The following SMARCE1 variants were observed in gnomAD, a reference collection of about 807,000 sequenced individuals.
The protein encoded by SMARCE1 is SWI/SNF-related matrix-associated actin-dependent regulator of chromatin subfamily E member 1.
A neutral mutation model predicts 54.9 loss-of-function variants in SMARCE1; 13 were observed. The ratio of observed to expected loss-of-function variants is 0.24; its 90% confidence interval spans 0.15 to 0.38. The LOEUF (loss-of-function observed/expected upper bound fraction) is 0.38, where lower values mean the gene tolerates loss of function less well. SMARCE1 is among the 10% of genes least tolerant of loss of function. The pLI, the probability that SMARCE1 is intolerant of heterozygous loss-of-function variation, is 1.00. For missense variants in SMARCE1, 295 were observed against 523.8 expected, an observed-to-expected ratio of 0.56 and a Z score of 4.26; for synonymous variants, 151 against 175.3, an observed-to-expected ratio of 0.86 and a Z score of 1.10.
At chr17:40,637,271 C>A (rs998377818) in intron 5 of SMARCE1, 5 of 552,786 alleles carry the variant, frequency 9.0e-6, no homozygotes, top group African/African-American at 7.6e-5. Flanking sequence ...ATAGAACATT[C>A]TATCTTAAGG....
rs769677960 is a variant in SMARCE1, at chr17:40,642,451, C to A, written c.156+4G>T. Reference sequence around the variant, plus strand: ...CCGGATGCTGTAATAGTTGATTCTCCTACCGTGACCCGGCTGTTGGTGCCC... The same window carrying A: ...CCGGATGCTGTAATAGTTGATTCTCATACCGTGACCCGGCTGTTGGTGCCC... On this transcript the variant is annotated splice_donor_region_variant and intron_variant, in intron 4 of 10. Transcript: ENST00000348513. The surrounding 1 kb of genome is among the most constrained non-coding windows in gnomAD (Gnocchi z 4.6). The A allele has an allele frequency of 6.4e-7, 1 of 1,551,724 alleles. No homozygotes were observed. Among genetic ancestry groups the A allele is most frequent in the Non-Finnish European group, 8.9e-7 (1 of 1,123,208 alleles).
intron 10 of SMARCE1, chr17:40,629,537 A>T: frequency 8.2e-7 from 1 of 1,226,124 alleles, no homozygotes; most frequent in Non-Finnish European, 1.0e-6. Flanking sequence ...GGTCTTTTAG[A>T]CACTTTGTTT....
chr17:40,628,681 T>C lies in SMARCE1; in HGVS notation c.*104A>G, dbSNP rs539514874. On this transcript the variant is annotated 3_prime_UTR_variant, in exon 11 of 11. Transcript: ENST00000348513. ...TCCAAAAGCCTTTGGTGGTGTGATA[T>C]GGACAAGAAAAAAAATTAATACACA... is the stretch of plus-strand genomic sequence containing the variant. The C allele has an allele frequency of 3.4e-6, 3 of 880,580 alleles. No homozygotes were observed. Among genetic ancestry groups the C allele is most frequent in the South Asian group, 1.6e-5 (1 of 63,924 alleles). The allele number at this position is 880,580 out of a possible 1,614,324, so 54.5% of individuals were successfully genotyped here.
chr17:40,635,395 T>C (rs2037136676), intron 7 of SMARCE1: 1 of 152,050 alleles, frequency 6.6e-6, no homozygotes, highest in Non-Finnish European at 1.5e-5. Flanking sequence ...GAATGGCAAT[T>C]AGGAAGCTCT....
chr17:40,636,351 T>C (rs1257700752), intron 6 of SMARCE1, 44 bp downstream of exon 6: 7 of 1,573,540 alleles, frequency 4.4e-6, no homozygotes, highest in Non-Finnish European at 6.1e-6. Flanking sequence ...CAATGTTTTA[T>C]GTACTTTACA....
rs932797321 is a variant in SMARCE1, at chr17:40,629,234, G to A, written c.1028-241C>T. ...AAATAAATGCAGATCAAATACTTCC[G>A]ATGAAAATTTAGCTTCTGAATTGAG... On this transcript the variant is annotated intron_variant, in intron 10 of 10. Coordinates refer to ENST00000348513, the MANE Select transcript of SMARCE1 (RefSeq NM_003079.5). 1.5e-5 allele frequency: 8 copies of A among 517,104 alleles called. No homozygotes were observed. The East Asian group carries it at 1.8e-4, about 11-fold the overall frequency. 32.0% of individuals were successfully genotyped at this position (517,104 alleles called of 1,614,324 possible).
chr17:40,639,808 A>G (rs1291684208), intron 4 of SMARCE1, among the ~76,000 whole-genome samples: 1 of 152,180 alleles, frequency 6.6e-6, no homozygotes, highest in Non-Finnish European at 1.5e-5. Flanking sequence ...CATACTTTAG[A>G]CCCTTTCTGG....
intron 7 of SMARCE1, chr17:40,635,415 G>C (rs996924918): frequency 6.6e-6 from 1 of 152,062 alleles, no homozygotes; most frequent in Admixed American, 6.6e-5. Context: ...TGCCATTCGT[G>C]TGCATGTATA....
intron 3 of SMARCE1, chr17:40,644,896 G>C (rs2037238639): frequency 6.6e-6 from 1 of 152,112 alleles, no homozygotes; most frequent in African/African-American, 2.4e-5. Flanking sequence ...AGCCATTTCA[G>C]CAAGACCTGA....
chr17:40,644,148 A>G (rs1156513541), intron 3 of SMARCE1: 1 of 152,234 alleles, frequency 6.6e-6, no homozygotes, highest in Non-Finnish European at 1.5e-5. Flanking sequence ...AGGCAAAAAA[A>G]ATTCCTTTTT....
chr17:40,641,134 A>G (rs371647369), intron 4 of SMARCE1: 182 of 151,458 alleles, frequency 1.2e-3, no homozygotes, highest in African/African-American at 4.4e-3. Context: ...TGCTGCATTA[A>G]CATTAAGATC....
chr17:40,630,774 C>T lies in SMARCE1; in HGVS notation c.967G>A (p.Glu323Lys), dbSNP rs1200029275. The stretch of plus-strand genomic sequence containing the variant: ...TCCTCGCCTTTGTTAGCTGCTTGTT[C>T]TTCCTCAGGAACGATGCTGCTCTGA... ...RSQSSIVPEE[E>K]QAANKGEEKK... Residue 323 changes from glutamate to lysine, a missense_variant, in exon 10 of 11, where the codon GAA becomes AAA. This residue lies in a region of SMARCE1 where 147 missense variants were observed against 161.4 expected (regional missense o/e 0.91). Transcript: ENST00000348513. The T allele has an allele frequency of 3.7e-6, 6 of 1,614,006 alleles. No homozygotes were observed. The highest frequency in any genetic ancestry group is 1.7e-5 in the Admixed American group (1 of 59,994).
chr17:40,629,566 T>C, intron 10 of SMARCE1: 1 of 1,198,356 alleles, frequency 8.3e-7, no homozygotes, highest in Non-Finnish European at 1.0e-6. Flanking sequence ...GCTGGGCTGT[T>C]TCCTGTAAGA....
chr17:40,644,056 C>T (rs2037225431), intron 3 of SMARCE1: 1 of 152,372 alleles, frequency 6.6e-6, no homozygotes, highest in Admixed American at 6.6e-5. Flanking sequence ...AGTATCCATT[C>T]TGTTGGATGT....
In SMARCE1 at chr17:40,636,377, T is replaced by C. The variant is rs778183973; in HGVS notation, c.369+18A>G. 1.9e-6 allele frequency: 3 copies of C among 1,608,002 alleles called. No homozygotes were observed. In the Admixed American group the frequency reaches 5.0e-5, roughly 27 times the overall value. ...GTACTTTACACATTATCTATCCCACTGTGAGCCCCTACCCTACCTTTTCTG... is the reference window on the plus strand; with the variant it reads ...GTACTTTACACATTATCTATCCCACCGTGAGCCCCTACCCTACCTTTTCTG... On this transcript the variant is annotated intron_variant, in intron 6 of 10. Coordinates refer to ENST00000348513, the MANE Select transcript of SMARCE1 (RefSeq NM_003079.5).
In SMARCE1 at chr17:40,627,185, T is replaced by C. The variant is rs1247551734; in HGVS notation, c.*1600A>G. ...CAAAACAGATCTATTTGATACAAAT[T>C]CGTTCTTTGACACACAAGGAAACAG... On this transcript the variant is annotated 3_prime_UTR_variant, in exon 11 of 11. Transcript: ENST00000348513. 3 of 152,220 alleles carry C rather than the reference T, an allele frequency of 2.0e-5. No homozygotes were observed. The highest frequency in any genetic ancestry group is 2.0e-4 in the Admixed American group (3 of 15,278). The allele number at this position is 152,220 out of a possible 1,614,324, so 9.4% of individuals were successfully genotyped here. A position where few individuals can be genotyped will look rare whatever the true frequency, so the allele number is the denominator to read the frequency against.
Position 40,642,578 on chromosome 17 carries a change from AC to A in SMARCE1, c.52-20del. 7.1e-7 allele frequency: 1 copy of A among 1,411,996 alleles called. No homozygotes were observed. The highest frequency in any genetic ancestry group is 1.0e-6 in the Non-Finnish European group (1 of 1,001,040). 87.5% of individuals were successfully genotyped at this position (1,411,996 alleles called of 1,614,324 possible). ...GCATTTGCTGATGGAAACAAATGAG[AC>A]AAAAACACGAATGAGAAATGAGCTC... On this transcript the variant is annotated intron_variant, in intron 3 of 10. Coordinates refer to ENST00000348513, the MANE Select transcript of SMARCE1 (RefSeq NM_003079.5). The surrounding 1 kb of genome is among the most constrained non-coding windows in gnomAD (Gnocchi z 4.6).
rs1459437545 is a variant in SMARCE1 at position 40,628,184 on chromosome 17, T to C, written c.*601A>G. On this transcript the variant is annotated 3_prime_UTR_variant, in exon 11 of 11. Coordinates refer to ENST00000348513, the MANE Select transcript of SMARCE1 (RefSeq NM_003079.5). ...GTGCTGTGTTCACTTTAATAACCAC[T>C]TCATAAGTAACTACTCTAACTATGG... The C allele has an allele frequency of 6.5e-6, 1 of 153,230 alleles. No individual in the cohort carries two copies. The highest frequency in any genetic ancestry group is 1.9e-4 in the East Asian group (1 of 5,206). The allele number at this position is 153,230 out of a possible 1,614,324, so 9.5% of individuals were successfully genotyped here.
At position 40,628,989 on chromosome 17, in the gene SMARCE1, C is replaced by G; in HGVS notation, c.1032G>C (p.Glu344Asp). 6.2e-7 allele frequency: 1 copy of G among 1,613,006 alleles called. No individual in the cohort carries two copies. Among genetic ancestry groups the G allele is most frequent in the Non-Finnish European group, 8.5e-7 (1 of 1,179,134 alleles). Residue 344 changes from glutamate to aspartate, a missense_variant, in exon 11 of 11, where the codon GAG (glutamate) becomes GAC (aspartate). Glu to Asp is a conservative substitution (Grantham distance 45). This residue lies in a region of SMARCE1 where 147 missense variants were observed against 161.4 expected (regional missense o/e 0.91). Coordinates refer to ENST00000348513, the MANE Select transcript of SMARCE1 (RefSeq NM_003079.5). ...DDENIPMETE[E>D]THLEETTESQ... ...TCTCTGTTGTTTCTTCAAGGTGTGT[C>G]TCCTCTGTAATCACACATTTGTCAC...
Sources: gnomAD v4.1 joint callset for allele counts (sites outside exome capture counted in the v4.1 genomes callset) on GRCh38, gnomAD v4.1.1 for gene constraint, gnomAD v4.1.1 regional missense constraint, Gnocchi (gnomAD v3.1) non-coding constraint, MANE v1.5 for transcripts, NCBI Gene and HGNC (gene_info 2026-07-23, HGNC 2026-07-21) for gene names.